TTC34: variants seen among roughly 807,000 people sequenced by gnomAD.
TTC34 encodes tetratricopeptide repeat domain 34, also known as tetratricopeptide repeat protein 34.
In TTC34, 44 loss-of-function variants were observed where a neutral mutation model predicts 40.7. The observed-to-expected ratio is 1.08, with a 90% CI of 0.85 to 1.39. The LOEUF (loss-of-function observed/expected upper bound fraction) is 1.39. Among genes scored for constraint, TTC34 ranks in the 40% most tolerant of loss-of-function variants. The probability of loss-of-function intolerance (pLI) is 0.00; values close to 1 mark genes in which losing one functional copy is unlikely to be tolerated. For missense variants in TTC34, 884 were observed against 838.0 expected, an observed-to-expected ratio of 1.05 and a Z score of -0.68; for synonymous variants, 422 against 398.6, an observed-to-expected ratio of 1.06 and a Z score of -0.70.
chr1:2,785,071 G>C (rs1018615698), intron 5 of TTC34, among the ~76,000 whole-genome samples: 2 of 152,200 alleles, frequency 1.3e-5, no homozygotes, highest in African/African-American at 4.8e-5. Flanking sequence ...GCCAGGTACT[G>C]TCCCAAAATG....
At chr1:2,785,233 TTACTAAGTG>T (rs1643565799) in intron 5 of TTC34, among the ~76,000 whole-genome samples, 1 of 151,774 alleles carries the variant, frequency 6.6e-6, no homozygotes, top group South Asian at 2.1e-4. Flanking sequence ...TGAGGGGTGC[TTACTAAGTG>T]CATGGCCGGG....
At chr1:2,644,368 G>A in exon 8 of TTC34, 1 of 1,536,000 alleles carries the variant, frequency 6.5e-7, no homozygotes, top group Non-Finnish European at 8.7e-7. Context: ...GCAGCCCCTG[G>A]CACGTCTCCC....
intron 6 of TTC34, among the ~76,000 whole-genome samples, chr1:2,686,237 A>G (rs1570813677): frequency 6.9e-6 from 1 of 144,314 alleles, no homozygotes; most frequent in Admixed American, 6.9e-5. Context: ...AGCAGTGCCC[A>G]CACCCCCAGG....
At chr1:2,654,864 G>A (rs28688388) in intron 6 of TTC34, among the ~76,000 whole-genome samples, 82 of 62,566 alleles carry the variant, frequency 1.3e-3, no homozygotes, top group Admixed American at 3.0e-3. Context: ...CCGCGAGTGA[G>A]GATCAGACAG....
chr1:2,645,575 GAGGGC>G lies in TTC34; in HGVS notation c.2227-17_2227-13del. On this transcript the variant is annotated splice_polypyrimidine_tract_variant and intron_variant, in intron 6 of 8. Transcript: ENST00000401095. This position sits in a 1 kb window ranked among gnomAD's most constrained non-coding sequence, Gnocchi z 4.7. ...TCGTCCACGGCTTCCTGCAAGGAGGGAGGGCGGGCGGGTGCAGAGTTGTCCTAAGT... is the reference window on the plus strand; with the variant it reads ...TCGTCCACGGCTTCCTGCAAGGAGGGGGGCGGGTGCAGAGTTGTCCTAAGT... 4.2e-6 allele frequency: 6 copies of G among 1,431,290 alleles called. No individual in the cohort carries two copies. The South Asian group carries it at 8.8e-5, about 21-fold the overall frequency. The allele number at this position is 1,431,290 out of a possible 1,614,324, so 88.7% of individuals were successfully genotyped here. A position where few individuals can be genotyped will look rare whatever the true frequency, so the allele number is the denominator to read the frequency against.
chr1:2,688,582 C>A (rs1489338509), intron 6 of TTC34, among the ~76,000 whole-genome samples: 7 of 142,352 alleles, frequency 4.9e-5, no homozygotes, highest in Admixed American at 4.1e-4. Flanking sequence ...TTCCGGCGCG[C>A]ATCCGACAGC....
At position 2,794,141 on chromosome 1, in the gene TTC34, A is replaced by G. The variant is rs12088928; in HGVS notation, c.785-3795T>C. 2.2e-3 allele frequency among the ~76,000 whole-genome samples: 341 copies of G among 152,136 alleles called. 2 individuals carry two copies. Among genetic ancestry groups the G allele is most frequent in the African/African-American group, 7.8e-3 (325 of 41,486 alleles). ...CTGGTAAGTAGCTGGGATCACAGGT[A>G]TGCACCACGTGCCTGGATAAGTTTT... is the stretch of plus-strand genomic sequence containing the variant. On this transcript the variant is annotated intron_variant, in intron 2 of 8. Coordinates refer to ENST00000401095, the Ensembl canonical transcript of TTC34.
At chr1:2,681,093 AGT>A (rs1640050013) in intron 6 of TTC34, among the ~76,000 whole-genome samples, 2 of 68,742 alleles carry the variant, frequency 2.9e-5, no homozygotes, top group Non-Finnish European at 6.9e-5. Flanking sequence ...AGCCTAGAGC[AGT>A]GCCCACACCC....
intron 6 of TTC34, among the ~76,000 whole-genome samples, chr1:2,768,392 T>A (rs1219154346): frequency 6.6e-6 from 1 of 151,842 alleles, no homozygotes; most frequent in Non-Finnish European, 1.5e-5. Context: ...GGTGAGCATA[T>A]GACAGCCCGG....
chr1:2,656,325 A>C (rs1639342717), intron 6 of TTC34, among the ~76,000 whole-genome samples: 1 of 150,546 alleles, frequency 6.6e-6, no homozygotes, highest in East Asian at 2.0e-4. Flanking sequence ...AGCATGCAAC[A>C]GCACTCACAC....
intron 6 of TTC34, among the ~76,000 whole-genome samples, chr1:2,778,365 G>C (rs1193341588): frequency 2.0e-5 from 3 of 152,216 alleles, no homozygotes; most frequent in Non-Finnish European, 2.9e-5. Flanking sequence ...AGAAAGTGCA[G>C]GGCCCCGGGG....
At chr1:2,683,502 G>T (rs141240520) in intron 6 of TTC34, among the ~76,000 whole-genome samples, 525 of 24,392 alleles carry the variant, frequency 0.022, 22 homozygotes, top group Non-Finnish European at 0.03. Flanking sequence ...AGCCTGGAAC[G>T]GCACCCACAC....
At chr1:2,695,756 C>T (rs1321946207) in intron 6 of TTC34, among the ~76,000 whole-genome samples, 1 of 146,632 alleles carries the variant, frequency 6.8e-6, no homozygotes, top group African/African-American at 2.5e-5. Flanking sequence ...GCACCCACAC[C>T]CCCAGGTGAG....
intron 6 of TTC34, among the ~76,000 whole-genome samples, chr1:2,779,226 A>G (rs1643434793): frequency 6.6e-6 from 1 of 152,186 alleles, no homozygotes; most frequent in South Asian, 2.1e-4. Flanking sequence ...GATGCTATCT[A>G]TGAATATGGT....
At chr1:2,687,212 C>A (rs1429994594) in intron 6 of TTC34, among the ~76,000 whole-genome samples, 5 of 123,502 alleles carry the variant, frequency 4.0e-5, no homozygotes, top group African/African-American at 7.6e-5. Flanking sequence ...CACCTCCCGG[C>A]GAGCATCCGA....
chr1:2,786,482 C>T (rs1210878523), intron 4 of TTC34, among the ~76,000 whole-genome samples: 2 of 152,160 alleles, frequency 1.3e-5, no homozygotes, highest in Non-Finnish European at 2.9e-5. Flanking sequence ...GTCGTGAGCC[C>T]GCTCTGGGCT....
At chr1:2,688,212 C>A (rs1202602267) in intron 6 of TTC34, among the ~76,000 whole-genome samples, 19 of 57,344 alleles carry the variant, frequency 3.3e-4, no homozygotes, top group African/African-American at 1.6e-3. Context: ...CCCACACCCC[C>A]AGGGGAGCAT....
In TTC34 at chr1:2,645,380, G is replaced by A; in HGVS notation, c.2410C>T (p.Leu804Phe). 2 of 1,535,380 alleles carry A rather than the reference G, an allele frequency of 1.3e-6. No individual in the cohort carries two copies. The highest frequency in any genetic ancestry group is 1.7e-6 in the Non-Finnish European group (2 of 1,146,494). ...ATCAGCGCCTCCCCCACAGCAAGGA[G>A]GCCCTGGGTGTCCTTGTCCTCGAGA... The change falls in exon 7 of 9, where the codon CTC becomes TTC. Residue 804 changes from leucine to phenylalanine, a missense_variant. Transcript: ENST00000401095. This position sits in a 1 kb window ranked among gnomAD's most constrained non-coding sequence, Gnocchi z 4.7.
intron 2 of TTC34, among the ~76,000 whole-genome samples, chr1:2,797,357 C>T (rs550856376): frequency 2.1e-4 from 32 of 152,332 alleles, no homozygotes; most frequent in African/African-American, 7.7e-4. Flanking sequence ...TTGCAGGACA[C>T]TCACGCCAGG....
Sources: allele counts gnomAD v4.1 joint callset (sites outside exome capture counted in the v4.1 genomes callset), GRCh38; gene constraint gnomAD v4.1.1; non-coding constraint Gnocchi (gnomAD v3.1); transcripts MANE v1.5; gene names NCBI Gene and HGNC (gene_info 2026-07-23, HGNC 2026-07-21).